ATG16L2: variants seen among roughly 807,000 people sequenced by gnomAD.
The protein encoded by ATG16L2 is protein Atg16l2.
ATG16L2 carries 77 observed loss-of-function variants against 84.7 expected under a neutral mutation model. The ratio of observed to expected loss-of-function variants is 0.91; its 90% CI spans 0.76 to 1.10. The LOEUF (loss-of-function observed/expected upper bound fraction) is 1.10. Ranked by LOEUF, ATG16L2 falls within the 50% of genes least tolerant of loss-of-function variation. ATG16L2 has a pLI of 0.00. For synonymous variants in ATG16L2, 361 were observed against 342.8 expected (o/e 1.05, Z -0.59); for missense variants, 782 against 817.6 (o/e 0.96, Z 0.53).
At chr11:72,821,074 C>A in intron 3 of ATG16L2, 2 of 330,638 alleles carry the variant, frequency 6.0e-6, no homozygotes, top group Non-Finnish European at 8.7e-6. Context: ...GGGAACAGAA[C>A]TCACATTCCC....
chr11:72,827,358 C>A, intron 14 of ATG16L2, 65 bp downstream of exon 14: 1 of 1,368,218 alleles, frequency 7.3e-7, no homozygotes, highest in Non-Finnish European at 1.0e-6. Flanking sequence ...AGTTCTTGTT[C>A]CTTTCTCTGG....
Position 72,822,511 on chromosome 11 carries a change from G to C in ATG16L2, c.678G>C (p.Lys226Asn). 1.2e-6 allele frequency: 2 copies of C among 1,613,116 alleles called. No homozygotes were observed. Among genetic ancestry groups the C allele is most frequent in the Non-Finnish European group, 1.7e-6 (2 of 1,179,536 alleles). ...AKQARVSQEL[K>N]KAAKRTVSIS... ...AGGCGCGGGTGTCCCAGGAGCTGAA[G>C]AAGGCTGCCAAGCGGACCGTGAGCA... The change falls in exon 6 of 18, where the codon AAG becomes AAC. Residue 226 changes from lysine (K) to asparagine (N), a missense_variant. Coordinates refer to ENST00000321297, the MANE Select transcript of ATG16L2 (RefSeq NM_033388.2). The surrounding 1 kb of genome is among the most constrained non-coding windows in gnomAD (Gnocchi z 4.2).
rs1860049871 is a variant in ATG16L2, at chr11:72,822,295, G to A, written c.644G>A (p.Arg215Gln). Residue 215 changes from arginine (R) to glutamine (Q), a missense_variant and splice_region_variant, in exon 5 of 18, where the codon CGG (arginine) becomes CAG (glutamine). Arg to Gln is a conservative substitution (Grantham distance 43). Transcript: ENST00000321297. This position sits in a 1 kb window ranked among gnomAD's most constrained non-coding sequence, Gnocchi z 4.2. ...AACCTGCGCAACGAGCGCCGGGAGC[G>A]GTGAGGGAGCAGGCCCCGCCCCTCC... is the stretch of plus-strand genomic sequence containing the variant. ...ERNLRNERRE[R>Q]AKQARVSQEL... The A allele has an allele frequency of 1.3e-6, 2 of 1,513,186 alleles. No homozygotes were observed. The highest frequency in any genetic ancestry group is 1.8e-6 in the Non-Finnish European group (2 of 1,138,946). 93.7% of individuals were successfully genotyped at this position (1,513,186 alleles called of 1,614,324 possible).
chr11:72,829,977 G>C (rs980491759), downstream of ATG16L2, among the ~76,000 whole-genome samples: 4 of 152,184 alleles, frequency 2.6e-5, no homozygotes, highest in African/African-American at 9.7e-5. Context: ...GCCCAGAGGG[G>C]TCCCGGTGGG....
intron 3 of ATG16L2, among the ~76,000 whole-genome samples, chr11:72,820,616 C>T (rs921912183): frequency 2.6e-5 from 4 of 152,224 alleles, no homozygotes; most frequent in Non-Finnish European, 4.4e-5. Flanking sequence ...ATTCCTTCTT[C>T]GCAGACTCAC....
intron 17 of ATG16L2, 105 bp from the exon 18 acceptor site, chr11:72,829,198 C>A: frequency 1.5e-6 from 2 of 1,302,468 alleles, no homozygotes; most frequent in South Asian, 1.3e-5. Flanking sequence ...AGGAAACAGG[C>A]TCAAGAGAGG....
chr11:72,819,516 C>T (rs888618658), intron 3 of ATG16L2, among the ~76,000 whole-genome samples: 4 of 152,200 alleles, frequency 2.6e-5, no homozygotes, highest in African/African-American at 9.7e-5. Context: ...CGTCTTACTA[C>T]CTCTGTCCCC....
intron 2 of ATG16L2, among the ~76,000 whole-genome samples, chr11:72,817,451 T>C (rs1381410905): frequency 1.3e-5 from 2 of 152,160 alleles, no homozygotes; most frequent in Admixed American, 1.3e-4. Context: ...GATCTCTTGA[T>C]CTTGTGATCC....
chr11:72,828,946 C>T lies in ATG16L2; in HGVS notation c.1734C>T (p.Asp578=), dbSNP rs1238810580. Residue 578 remains aspartate (D), a synonymous_variant, in exon 17 of 18, where the codon GAC becomes GAT. Coordinates refer to ENST00000321297, the MANE Select transcript of ATG16L2 (RefSeq NM_033388.2). ...CDGALYIWDV[D]TGKLESRLQG... is the part of the protein sequence containing the mutation. ...GGGCCCTTTACATCTGGGATGTGGACACCGGGAAACTGGAGAGCAGACTAC... is the reference window on the plus strand; with the variant it reads ...GGGCCCTTTACATCTGGGATGTGGATACCGGGAAACTGGAGAGCAGACTAC... 6.2e-7 allele frequency: 1 copy of T among 1,614,182 alleles called. No individual in the cohort carries two copies. Among genetic ancestry groups the T allele is most frequent in the Admixed American group, 1.7e-5 (1 of 60,020 alleles).
At position 72,821,650 on chromosome 11, in the gene ATG16L2, C is replaced by T. The variant is rs1299295325; in HGVS notation, c.319-18C>T. On this transcript the variant is annotated intron_variant, in intron 3 of 17. Coordinates refer to ENST00000321297, the MANE Select transcript of ATG16L2 (RefSeq NM_033388.2). Reference sequence around the variant, plus strand: ...TGGAGGGGCCTCAGCGCCGCCGTGCCCACCTGTCCGCCCCCAGATGGCCTA... The same window carrying T: ...TGGAGGGGCCTCAGCGCCGCCGTGCTCACCTGTCCGCCCCCAGATGGCCTA... 2.0e-6 allele frequency: 3 copies of T among 1,530,594 alleles called. No homozygotes were observed. The highest frequency in any genetic ancestry group is 4.0e-5 in the Admixed American group (2 of 50,316). The allele number at this position is 1,530,594 out of a possible 1,614,324, so 94.8% of individuals were successfully genotyped here.
rs752231293 is a variant in ATG16L2 at position 72,821,717 on chromosome 11, C to T, written c.368C>T (p.Ser123Leu). The T allele has an allele frequency of 5.0e-5, 77 of 1,535,118 alleles. No homozygotes were observed. The highest frequency in any genetic ancestry group is 9.8e-5 in the Admixed American group (5 of 50,846). Residue 123 changes from serine to leucine, a missense_variant, in exon 4 of 18, where the codon TCG (serine) becomes TTG (leucine). By Grantham distance (145) the Ser-to-Leu change is moderately radical. Transcript: ENST00000321297. The stretch of plus-strand genomic sequence containing the variant: ...GGCGCGGCCCTGGGCACGCTGGAGT[C>T]GGAGCTGCAGCAGAGGCAAAGCAGG... ...EKGAALGTLE[S>L]ELQQRQSRLA...
intron 7 of ATG16L2, chr11:72,823,286 C>T (rs1860122700): frequency 1.2e-5 from 4 of 342,954 alleles, no homozygotes; most frequent in South Asian, 1.1e-4. Context: ...TCATGCCAGG[C>T]ATGTGTGCGC....
chr11:72,823,568 C>T lies in ATG16L2; in HGVS notation c.825-492C>T, dbSNP rs779813565. ...GTCTTTCCTTGCAGGTCCCTGGTGTCCAGGCCTTGGGGCAGTGAAGAAACC... is the reference window on the plus strand; with the variant it reads ...GTCTTTCCTTGCAGGTCCCTGGTGTTCAGGCCTTGGGGCAGTGAAGAAACC... On this transcript the variant is annotated intron_variant, in intron 7 of 17. Coordinates refer to ENST00000321297, the MANE Select transcript of ATG16L2 (RefSeq NM_033388.2). The T allele has an allele frequency of 4.3e-5, 18 of 421,918 alleles. 1 individual carries two copies. Among genetic ancestry groups the T allele is most frequent in the South Asian group, 2.2e-4 (13 of 58,696 alleles). 26.1% of individuals were successfully genotyped at this position (421,918 alleles called of 1,614,324 possible).
At position 72,824,800 on chromosome 11, in the gene ATG16L2, G is replaced by C; in HGVS notation, c.954G>C (p.Val318=). The part of the protein sequence containing the change: ...APEQRYQIIP[V]CVAARLPTRA... ...AGCAGCGATACCAGATCATCCCTGT[G>C]TGTGTGGCTGCCCGACTTCCTACCC... The change falls in exon 9 of 18, where the codon GTG becomes GTC. Residue 318 remains valine, a synonymous_variant. Transcript: ENST00000321297. 6.2e-7 allele frequency: 1 copy of C among 1,607,728 alleles called. No individual in the cohort carries two copies.
intron 5 of ATG16L2, chr11:72,836,987 G>T (rs1313049707): frequency 6.6e-6 from 1 of 152,350 alleles, no homozygotes; most frequent in Non-Finnish European, 1.5e-5. Flanking sequence ...TACAACAAAA[G>T]ATTTCAAATA....
chr11:72,829,755 G>T, downstream of ATG16L2: 1 of 509,740 alleles, frequency 2.0e-6, no homozygotes, highest in Non-Finnish European at 2.6e-6. Flanking sequence ...AGCCAGCCGA[G>T]TCTCTGCCTG....
rs749581122 is a variant in ATG16L2, at chr11:72,822,032, T to C, written c.393-12T>C. On this transcript the variant is annotated splice_polypyrimidine_tract_variant and intron_variant, in intron 4 of 17. Coordinates refer to ENST00000321297, the MANE Select transcript of ATG16L2 (RefSeq NM_033388.2). The surrounding 1 kb of genome is among the most constrained non-coding windows in gnomAD (Gnocchi z 4.2). ...AGCTTGGGACCCGCTATCCGCTCTTTCCGTCCTCCAGGCTGGCAGCCCTGG... is the reference window on the plus strand; with the variant it reads ...AGCTTGGGACCCGCTATCCGCTCTTCCCGTCCTCCAGGCTGGCAGCCCTGG... 2.0e-6 allele frequency: 3 copies of C among 1,485,942 alleles called. No individual in the cohort carries two copies. Among genetic ancestry groups the C allele is most frequent in the Non-Finnish European group, 1.8e-6 (2 of 1,134,646 alleles). The allele number at this position is 1,485,942 out of a possible 1,614,324, so 92.0% of individuals were successfully genotyped here. A position where few individuals can be genotyped will look rare whatever the true frequency, so the allele number is the denominator to read the frequency against.
At chr11:72,836,570 C>T (rs1860734030) in intron 5 of ATG16L2, among the ~76,000 whole-genome samples, 1 of 152,110 alleles carries the variant, frequency 6.6e-6, no homozygotes, top group African/African-American at 2.4e-5. Context: ...GGATATTACA[C>T]CTAGCACATG....
exon 6 of ATG16L2, chr11:72,843,493 C>T (rs1861029722): frequency 1.2e-6 from 2 of 1,613,838 alleles, no homozygotes; most frequent in East Asian, 4.5e-5. Context: ...ACTTCTAACA[C>T]CTCATGTTCC....
Sources: gnomAD v4.1 joint callset for allele counts (sites outside exome capture counted in the v4.1 genomes callset) on GRCh38, gnomAD v4.1.1 for gene constraint, Gnocchi (gnomAD v3.1) non-coding constraint, MANE v1.5 for transcripts, NCBI Gene and HGNC (gene_info 2026-07-23, HGNC 2026-07-21) for gene names.